HNRNPM: variants seen among roughly 807,000 people sequenced by gnomAD.
The protein encoded by HNRNPM is heterogeneous nuclear ribonucleoprotein M.
In HNRNPM, 11 loss-of-function variants were observed where a neutral mutation model predicts 73.1. The observed-to-expected ratio is 0.15, with a 90% CI of 0.09 to 0.25. The LOEUF (loss-of-function observed/expected upper bound fraction) is 0.25, where lower values mean the gene tolerates loss of function less well. Among genes scored for constraint, HNRNPM ranks in the 10% least tolerant of loss-of-function variants. The probability of loss-of-function intolerance (pLI) is 1.00; values close to 1 mark genes in which losing one functional copy is unlikely to be tolerated. For synonymous variants in HNRNPM, 407 were observed against 355.2 expected, an observed-to-expected ratio of 1.15 and a Z score of -1.64; for missense variants, 789 against 1,067.9, an observed-to-expected ratio of 0.74 and a Z score of 3.64.
intron 9 of HNRNPM, among the ~76,000 whole-genome samples, chr19:8,470,619 C>T (rs1193757622): frequency 3.3e-5 from 5 of 152,158 alleles, no homozygotes; most frequent in Admixed American, 2.6e-4. Context: ...TGAGCCACTG[C>T]GCCTGCCCTT....
At position 8,462,429 on chromosome 19, in the gene HNRNPM, C is replaced by T. The variant is rs566240985; in HGVS notation, c.284-100C>T. On this transcript the variant is annotated intron_variant, in intron 2 of 15. Transcript: ENST00000325495. The surrounding 1 kb of genome is among the most constrained non-coding windows in gnomAD (Gnocchi z 4.5). ...AGTGTTTCTGGGCTTTCTTATAAGGCAGAGGCTCCATACAAGGTTGCTGAT... is the reference window on the plus strand; with the variant it reads ...AGTGTTTCTGGGCTTTCTTATAAGGTAGAGGCTCCATACAAGGTTGCTGAT... The T allele has an allele frequency of 2.1e-5, 20 of 970,912 alleles. No homozygotes were observed. Among genetic ancestry groups the T allele is most frequent in the Non-Finnish European group, 3.2e-5 (19 of 596,370 alleles). The allele number at this position is 970,912 out of a possible 1,614,324, so 60.1% of individuals were successfully genotyped here.
At chr19:8,454,370 C>T (rs2145624862) in intron 1 of HNRNPM, among the ~76,000 whole-genome samples, 1 of 152,254 alleles carries the variant, frequency 6.6e-6, no homozygotes. Context: ...AGCATAATGC[C>T]CTCAAGGTTC....
intron 10 of HNRNPM, among the ~76,000 whole-genome samples, 193 bp downstream of exon 10, chr19:8,471,620 A>G (rs1970145216): frequency 6.6e-6 from 1 of 152,198 alleles, no homozygotes; most frequent in African/African-American, 2.4e-5. Context: ...ATTTTTTAAA[A>G]AGTCATTATG....
chr19:8,472,935 A>G (rs560993597), intron 10 of HNRNPM, among the ~76,000 whole-genome samples: 3 of 152,330 alleles, frequency 2.0e-5, no homozygotes, highest in Non-Finnish European at 2.9e-5. Context: ...TTTTCTAAAA[A>G]GTTTATGTTC....
chr19:8,474,238 A>C lies in HNRNPM; in HGVS notation c.1114A>C (p.Ile372Leu). 1 of 1,582,022 alleles carries C rather than the reference A, an allele frequency of 6.3e-7. No homozygotes were observed. The highest frequency in any genetic ancestry group is 8.6e-7 in the Non-Finnish European group (1 of 1,166,490). The change falls in exon 12 of 16, where the codon ATA becomes CTA. Residue 372 changes from isoleucine (I) to leucine (L), a missense_variant. By Grantham distance (5) the Ile-to-Leu change is conservative. Coordinates refer to ENST00000325495, the MANE Select transcript of HNRNPM (RefSeq NM_005968.5). The stretch of plus-strand genomic sequence containing the variant: ...TGGATCTGGGATGAACATGGGCAGG[A>C]TAAATGGTAAGCATCGTGTTTTCTT... Reference protein sequence around the residue: ...RFGSGMNMGRINEILSNALKR... With the variant: ...RFGSGMNMGRLNEILSNALKR...
intron 5 of HNRNPM, chr19:8,463,989 T>A (rs1340124748): frequency 3.4e-6 from 1 of 293,896 alleles, no homozygotes; most frequent in Admixed American, 4.6e-5. Context: ...TAAGTTTTAC[T>A]CCATCTGACC....
intron 5 of HNRNPM, among the ~76,000 whole-genome samples, chr19:8,464,061 A>C (rs1049916764): frequency 6.6e-6 from 1 of 152,118 alleles, no homozygotes; most frequent in Non-Finnish European, 1.5e-5. Flanking sequence ...CCTGGGCAAC[A>C]TGGTGAAACC....
intron 8 of HNRNPM, 105 bp from the exon 9 acceptor site, chr19:8,468,669 T>C (rs1002630380): frequency 2.5e-6 from 2 of 799,410 alleles, no homozygotes; most frequent in Non-Finnish European, 4.4e-6. Context: ...GCGTGGATAA[T>C]GTGTTTAGCT....
intron 1 of HNRNPM, among the ~76,000 whole-genome samples, chr19:8,450,709 T>C (rs1292461648): frequency 2.3e-5 from 2 of 87,734 alleles, no homozygotes; most frequent in African/African-American, 6.7e-5. Context: ...TTTAATTTAA[T>C]TAATTATTAT....
intron 9 of HNRNPM, among the ~76,000 whole-genome samples, chr19:8,469,185 C>T (rs1052540109): frequency 2.0e-5 from 3 of 152,188 alleles, no homozygotes; most frequent in African/African-American, 7.2e-5. Context: ...GCTAGCAGTG[C>T]ACACTAGACA....
At position 8,462,629 on chromosome 19, in the gene HNRNPM, G is replaced by GTAAC; in HGVS notation, c.336+50_336+53dup. The GTAAC allele has an allele frequency of 7.1e-7, 1 of 1,414,538 alleles. No homozygotes were observed. Among genetic ancestry groups the GTAAC allele is most frequent in the Non-Finnish European group, 1.0e-6 (1 of 997,834 alleles). 87.6% of individuals were successfully genotyped at this position (1,414,538 alleles called of 1,614,324 possible). On this transcript the variant is annotated intron_variant, in intron 3 of 15. Coordinates refer to ENST00000325495, the MANE Select transcript of HNRNPM (RefSeq NM_005968.5). The surrounding 1 kb of genome is among the most constrained non-coding windows in gnomAD (Gnocchi z 4.5). ...TCTGTGGATTTACTACATGAAAAAT[G>GTAAC]TAACTGTATGGTGGCGTGGAATCGA...
At chr19:8,469,450 AC>A (rs1176885890) in intron 9 of HNRNPM, among the ~76,000 whole-genome samples, 2 of 152,200 alleles carry the variant, frequency 1.3e-5, no homozygotes, top group Non-Finnish European at 2.9e-5. Context: ...CTCTGAATAT[AC>A]TAAAAACCAC....
At chr19:8,479,976 T>C (rs973555767) in intron 12 of HNRNPM, among the ~76,000 whole-genome samples, 1 of 148,042 alleles carries the variant, frequency 6.8e-6, no homozygotes, top group Non-Finnish European at 1.5e-5. Context: ...GGTTTCACCA[T>C]CTTGGCCAGG....
At chr19:8,481,967 CTTTTTTTTTTT>C (rs35179733) in intron 12 of HNRNPM, among the ~76,000 whole-genome samples, 3 of 117,340 alleles carry the variant, frequency 2.6e-5, no homozygotes, top group Non-Finnish European at 5.2e-5. Context: ...TGTTTGGTGT[CTTTTTTTTTTT>C]TTTTTTTTTT....
rs571883038 is a variant in HNRNPM at position 8,459,384 on chromosome 19, T to G, written c.284-3145T>G. On this transcript the variant is annotated intron_variant, in intron 2 of 15. Coordinates refer to ENST00000325495, the MANE Select transcript of HNRNPM (RefSeq NM_005968.5). ...ATTGAGGAGCGTGGGCTCAGTCATT[T>G]CCTAACATGTCCATAAGCCAAGTAG... Among the ~76,000 whole-genome samples, 4 of 152,350 alleles carry G rather than the reference T, an allele frequency of 2.6e-5. No homozygotes were observed. The East Asian group carries it at 7.7e-4, about 29-fold the overall frequency.
chr19:8,487,281 T>TA (rs889944979), intron 15 of HNRNPM: 1 of 602,874 alleles, frequency 1.7e-6, no homozygotes, highest in African/African-American at 1.9e-5. Context: ...ATTTCATCCT[T>TA]ACTTCCTTTT....
intron 12 of HNRNPM, among the ~76,000 whole-genome samples, chr19:8,475,734 TAAA>T (rs1218552829): frequency 1.3e-5 from 2 of 152,146 alleles, no homozygotes; most frequent in Admixed American, 6.5e-5. Context: ...TTTTAATTTT[TAAA>T]AAAAGTTTCA....
intron 2 of HNRNPM, among the ~76,000 whole-genome samples, chr19:8,457,426 G>T (rs192329740): frequency 1.3e-5 from 2 of 152,164 alleles, no homozygotes; most frequent in Non-Finnish European, 2.9e-5. Flanking sequence ...ATACTGCTAC[G>T]AATGCCTGGG....
intron 12 of HNRNPM, among the ~76,000 whole-genome samples, chr19:8,474,493 T>G (rs540699392): frequency 1.8e-4 from 27 of 152,304 alleles, no homozygotes; most frequent in African/African-American, 6.0e-4. Context: ...AGTACAGTGT[T>G]AAAAAGCATG....
Sources: gnomAD v4.1 joint callset for allele counts (sites outside exome capture counted in the v4.1 genomes callset) on GRCh38, gnomAD v4.1.1 for gene constraint, Gnocchi (gnomAD v3.1) non-coding constraint, MANE v1.5 for transcripts, NCBI Gene and HGNC (gene_info 2026-07-23, HGNC 2026-07-21) for gene names.